GRID2: variants seen among roughly 807,000 people sequenced by gnomAD.
The protein encoded by GRID2 is glutamate receptor ionotropic, delta-2.
In GRID2, 33 loss-of-function variants were observed where a neutral mutation model predicts 114.8. The observed-to-expected ratio is 0.29, with a 90% CI of 0.22 to 0.38. GRID2 has a LOEUF of 0.38. Ranked by LOEUF, GRID2 falls within the 10% of genes least tolerant of loss-of-function variation. GRID2 has a pLI of 1.00. For synonymous variants in GRID2, 505 were observed against 449.9 expected (o/e 1.12, Z -1.55); for missense variants, 1,184 against 1,257.7 (o/e 0.94, Z 0.89).
chr4:92,604,073 C>T (rs1729344636), intron 2 of GRID2, among the ~76,000 whole-genome samples: 1 of 152,048 alleles, frequency 6.6e-6, no homozygotes, highest in Non-Finnish European at 1.5e-5. Context: ...AAGAGGAACA[C>T]TTTTACACTG....
intron 14 of GRID2, among the ~76,000 whole-genome samples, chr4:93,758,383 A>T (rs1028735940): frequency 1.3e-5 from 2 of 152,198 alleles, no homozygotes; most frequent in African/African-American, 2.4e-5. Flanking sequence ...TGAGTTTTTT[A>T]AAATATGTAT....
chr4:93,745,644 A>T (rs189531982), intron 14 of GRID2, among the ~76,000 whole-genome samples: 205 of 152,282 alleles, frequency 1.3e-3, no homozygotes, highest in African/African-American at 4.7e-3. Flanking sequence ...TGAAACATGC[A>T]AAACATAGTT....
intron 12 of GRID2, among the ~76,000 whole-genome samples, chr4:93,512,252 G>A (rs533934251): frequency 6.6e-6 from 1 of 152,270 alleles, no homozygotes; most frequent in Admixed American, 6.5e-5. Flanking sequence ...TATACACTCA[G>A]ATTTTGACCT....
chr4:93,425,065 CTTTCTT>C (rs1359698001), intron 10 of GRID2, among the ~76,000 whole-genome samples: 1 of 151,960 alleles, frequency 6.6e-6, no homozygotes, highest in East Asian at 1.9e-4. Flanking sequence ...TCAGTTATGA[CTTTCTT>C]TTCTTAAAAG....
chr4:92,906,722 G>A (rs755003292), intron 2 of GRID2, among the ~76,000 whole-genome samples: 1 of 152,008 alleles, frequency 6.6e-6, no homozygotes, highest in African/African-American at 2.4e-5. Context: ...GGGTTCAAGC[G>A]ATTCTCCTGC....
At chr4:93,645,290 G>T (rs1314360227) in intron 14 of GRID2, among the ~76,000 whole-genome samples, 2 of 152,150 alleles carry the variant, frequency 1.3e-5, no homozygotes, top group African/African-American at 4.8e-5. Context: ...GAGGAAACTG[G>T]TTTGAGAGTG....
chr4:93,438,910 C>T (rs1721363154), intron 10 of GRID2, among the ~76,000 whole-genome samples: 1 of 151,154 alleles, frequency 6.6e-6, no homozygotes, highest in Non-Finnish European at 1.5e-5. Context: ...TCAATTCCCA[C>T]CTATGAGTGA....
chr4:92,413,533 AAAGG>A lies in GRID2; in HGVS notation c.88+108793_88+108796del, dbSNP rs760747444. 2.0e-4 allele frequency among the ~76,000 whole-genome samples: 30 copies of A among 152,290 alleles called. No homozygotes were observed. The Middle Eastern group carries it at 0.01, about 52-fold the overall frequency. On this transcript the variant is annotated intron_variant, in intron 1 of 15. Transcript: ENST00000282020. ...AAGATTACACATAAGGAGAAAATCA[AAAGG>A]AAGAAAGGTGTCCAAAGTGATAAAC...
intron 1 of GRID2, among the ~76,000 whole-genome samples, chr4:92,506,483 G>A (rs1560677066): frequency 2.6e-5 from 4 of 151,914 alleles, no homozygotes; most frequent in Non-Finnish European, 5.9e-5. Flanking sequence ...TTATTGGCAT[G>A]AGCAAAATAA....
intron 1 of GRID2, among the ~76,000 whole-genome samples, chr4:92,517,718 A>T (rs1354924511): frequency 7.2e-5 from 11 of 151,936 alleles, no homozygotes; most frequent in Non-Finnish European, 1.5e-4. Flanking sequence ...GTCAATTTTT[A>T]AAAATTTCTG....
chr4:92,753,084 A>G (rs945260177), intron 2 of GRID2, among the ~76,000 whole-genome samples: 1 of 152,196 alleles, frequency 6.6e-6, no homozygotes, highest in Non-Finnish European at 1.5e-5. Flanking sequence ...ATTGTTATAT[A>G]AAACTGATTT....
rs1725273392 is a variant in GRID2 at position 92,304,474 on chromosome 4, CTCTT to C, written c.-179_-176del. The C allele has an allele frequency of 1.6e-6, 1 of 613,818 alleles. No individual in the cohort carries two copies. The highest frequency in any genetic ancestry group is 2.9e-6 in the Non-Finnish European group (1 of 347,590). 38.0% of individuals were successfully genotyped at this position (613,818 alleles called of 1,614,324 possible). A position where few individuals can be genotyped will look rare whatever the true frequency, so the allele number is the denominator to read the frequency against. On this transcript the variant is annotated 5_prime_UTR_variant, in exon 1 of 16. Transcript: ENST00000282020. ...GCGAAGGAGGTTTCCTCAGGCTGGG[CTCTT>C]TCTGTCATTCCCTTCTGCCTTTCTC... is the stretch of plus-strand genomic sequence containing the variant.
intron 2 of GRID2, among the ~76,000 whole-genome samples, chr4:92,845,089 C>G (rs1228183392): frequency 6.6e-6 from 1 of 152,034 alleles, no homozygotes; most frequent in Non-Finnish European, 1.5e-5. Flanking sequence ...ATAATAATAT[C>G]TCAGATAATA....
At chr4:93,630,466 AAAGTATGAGCTC>A (rs1328955485) in intron 14 of GRID2, among the ~76,000 whole-genome samples, 2 of 152,210 alleles carry the variant, frequency 1.3e-5, no homozygotes, top group African/African-American at 2.4e-5. Context: ...AGATAACCAA[AAAGTATGAGCTC>A]AAGTCTATTC....
At chr4:93,799,603 G>A (rs1221974807) in intron 1 of GRID2, among the ~76,000 whole-genome samples, 1 of 152,062 alleles carries the variant, frequency 6.6e-6, no homozygotes, top group African/African-American at 2.4e-5. Context: ...ACTAAAATTT[G>A]AATAATTACA....
chr4:93,173,317 T>C (rs767638245), intron 4 of GRID2, among the ~76,000 whole-genome samples: 6 of 152,138 alleles, frequency 3.9e-5, no homozygotes, highest in Non-Finnish European at 8.8e-5. Flanking sequence ...TGAGAATTTG[T>C]CATAGAGCAT....
chr4:93,216,717 C>T (rs768010612), intron 5 of GRID2, 21 bp from the exon 6 acceptor site: 30 of 1,539,842 alleles, frequency 1.9e-5, no homozygotes, highest in Non-Finnish European at 2.5e-5. Flanking sequence ...ATCTCTAATT[C>T]TTCCACCTCT....
intron 1 of GRID2, among the ~76,000 whole-genome samples, chr4:92,405,581 A>G (rs944019848): frequency 2.0e-5 from 3 of 151,962 alleles, no homozygotes; most frequent in South Asian, 2.1e-4. Context: ...GTTTTCTTAA[A>G]TTTTCATACA....
chr4:93,153,429 C>T (rs967400140), intron 4 of GRID2, among the ~76,000 whole-genome samples: 2 of 152,012 alleles, frequency 1.3e-5, no homozygotes, highest in African/African-American at 4.8e-5. Flanking sequence ...GCCCAGGGCT[C>T]GCACTTGCAA....
Sources: allele counts gnomAD v4.1 joint callset (sites outside exome capture counted in the v4.1 genomes callset), GRCh38; gene constraint gnomAD v4.1.1; transcripts MANE v1.5; gene names NCBI Gene and HGNC (gene_info 2026-07-23, HGNC 2026-07-21).